The following BCL2L13 variants were observed in gnomAD, a reference collection of about 807,000 sequenced individuals.
BCL2L13 encodes the protein bcl-2-like protein 13.
A neutral mutation model predicts 25.8 loss-of-function variants in BCL2L13; 13 were observed. That is an observed-to-expected ratio of 0.50 (90% CI 0.33 to 0.80). BCL2L13 has a LOEUF of 0.80. Ranked by LOEUF, BCL2L13 falls within the 30% of genes least tolerant of loss-of-function variation. The pLI, the probability that BCL2L13 is intolerant of heterozygous loss-of-function variation, is 0.02. For missense variants in BCL2L13, 504 were observed against 574.9 expected, an observed-to-expected ratio of 0.88 and a Z score of 1.26; for synonymous variants, 244 against 230.3, an observed-to-expected ratio of 1.06 and a Z score of -0.54.
chr22:17,694,674 C>T (rs1317388269), intron 4 of BCL2L13, among the ~76,000 whole-genome samples: 3 of 152,018 alleles, frequency 2.0e-5, no homozygotes, highest in Non-Finnish European at 4.4e-5. Context: ...ACACTGGCTA[C>T]GTTTCTAATG....
intron 6 of BCL2L13, among the ~76,000 whole-genome samples, chr22:17,722,442 A>G (rs1473965701): frequency 6.7e-6 from 1 of 149,020 alleles, no homozygotes; most frequent in Non-Finnish European, 1.5e-5. Context: ...ATGTCTTACT[A>G]TGTTGCTCAA....
chr22:17,664,929 T>C (rs1466105240), intron 2 of BCL2L13, among the ~76,000 whole-genome samples: 1 of 152,226 alleles, frequency 6.6e-6, no homozygotes. Flanking sequence ...CTCCTAGGAC[T>C]GTGATGGGAG....
chr22:17,639,162 G>T (rs2058176528), intron 1 of BCL2L13, among the ~76,000 whole-genome samples: 1 of 152,204 alleles, frequency 6.6e-6, no homozygotes, highest in African/African-American at 2.4e-5. Flanking sequence ...CTCGGCCCTG[G>T]CTCCACGCCG....
At chr22:17,694,792 C>T (rs1352858735) in intron 4 of BCL2L13, among the ~76,000 whole-genome samples, 1 of 152,096 alleles carries the variant, frequency 6.6e-6, no homozygotes, top group African/African-American at 2.4e-5. Flanking sequence ...CAGATGAAAC[C>T]TGATTTCAAA....
At chr22:17,649,260 G>T (rs1273308284) in intron 1 of BCL2L13, among the ~76,000 whole-genome samples, 5 of 152,106 alleles carry the variant, frequency 3.3e-5, no homozygotes, top group Non-Finnish European at 7.4e-5. Context: ...ACCATGCCTG[G>T]CTAATTTTTG....
chr22:17,689,699 C>T (rs560666619), intron 4 of BCL2L13, among the ~76,000 whole-genome samples: 18 of 151,790 alleles, frequency 1.2e-4, no homozygotes, highest in African/African-American at 3.6e-4. Context: ...AAAACTTAGC[C>T]GGGCATGGTG....
intron 1 of BCL2L13, 144 bp downstream of exon 1, chr22:17,639,030 C>T (rs771340346): frequency 3.6e-5 from 24 of 672,796 alleles, no homozygotes; most frequent in Admixed American, 4.3e-5. Context: ...GTGTCTACAC[C>T]GGCGCTCCTT....
intron 2 of BCL2L13, among the ~76,000 whole-genome samples, chr22:17,662,070 T>G (rs2059085831): frequency 6.6e-6 from 1 of 152,166 alleles, no homozygotes; most frequent in Non-Finnish European, 1.5e-5. Flanking sequence ...TTCAGGGATA[T>G]TAGATTTACA....
At chr22:17,636,060 AC>A (rs555825172), upstream of BCL2L13, among the ~76,000 whole-genome samples, 985 of 148,398 alleles carry the variant, frequency 6.6e-3, 5 homozygotes, top group African/African-American at 0.024. Flanking sequence ...GCGGTGGCTC[AC>A]GCCTGTAATC....
intron 1 of BCL2L13, among the ~76,000 whole-genome samples, chr22:17,644,556 T>G (rs2058405769): frequency 6.6e-6 from 1 of 151,324 alleles, no homozygotes; most frequent in African/African-American, 2.5e-5. Context: ...GGTCTCAATC[T>G]CTTGACCTCG....
chr22:17,657,419 A>G (rs1427156556), intron 2 of BCL2L13, among the ~76,000 whole-genome samples: 1 of 152,180 alleles, frequency 6.6e-6, no homozygotes, highest in East Asian at 1.9e-4. Flanking sequence ...CTGTTTATAG[A>G]AGACGTACAT....
At chr22:17,706,269 C>CA (rs1426933962) in intron 6 of BCL2L13, among the ~76,000 whole-genome samples, 1 of 152,016 alleles carries the variant, frequency 6.6e-6, no homozygotes, top group African/African-American at 2.4e-5. Flanking sequence ...CTTGGCCTCC[C>CA]AAAGTGCTGG....
At chr22:17,673,424 G>C (rs560801316) in intron 2 of BCL2L13, among the ~76,000 whole-genome samples, 1 of 148,692 alleles carries the variant, frequency 6.7e-6, no homozygotes, top group Non-Finnish European at 1.5e-5. Context: ...CTGGAGTGCA[G>C]TGGTGCGATC....
At chr22:17,646,951 A>ATTTTTTTTTTT (rs1176648214) in intron 1 of BCL2L13, among the ~76,000 whole-genome samples, 2 of 21,892 alleles carry the variant, frequency 9.1e-5, no homozygotes, top group Non-Finnish European at 1.7e-4. Context: ...ATATATATAT[A>ATTTTTTTTTTT]TATATTTTTT....
At chr22:17,680,311 C>A (rs190987786) in intron 2 of BCL2L13, among the ~76,000 whole-genome samples, 1 of 150,010 alleles carries the variant, frequency 6.7e-6, no homozygotes, top group South Asian at 2.1e-4. Context: ...GAGATCAAGA[C>A]CATCCTGGCT....
chr22:17,676,331 C>T (rs2146662671), intron 2 of BCL2L13, among the ~76,000 whole-genome samples: 1 of 152,094 alleles, frequency 6.6e-6, no homozygotes, highest in East Asian at 1.9e-4. Context: ...GGTGTGGTGG[C>T]ACACGCCTGT....
At chr22:17,646,955 A>ATATTT (rs768488873) in intron 1 of BCL2L13, among the ~76,000 whole-genome samples, 41 of 22,190 alleles carry the variant, frequency 1.8e-3, no homozygotes, top group East Asian at 0.011. Flanking sequence ...ATATATATAT[A>ATATTT]TTTTTTTTTT....
chr22:17,718,976 T>C (rs1273386103), intron 6 of BCL2L13, among the ~76,000 whole-genome samples: 2 of 151,734 alleles, frequency 1.3e-5, no homozygotes, highest in African/African-American at 4.8e-5. Flanking sequence ...CTGGGCAACA[T>C]GGTGAAACCC....
intron 1 of BCL2L13, among the ~76,000 whole-genome samples, chr22:17,639,917 C>T (rs1218704569): frequency 6.6e-6 from 1 of 151,162 alleles, no homozygotes; most frequent in Admixed American, 6.6e-5. Flanking sequence ...TGCAATGGCG[C>T]GATCTCAGCT....
Sources: allele counts gnomAD v4.1 joint callset (sites outside exome capture counted in the v4.1 genomes callset), GRCh38; gene constraint gnomAD v4.1.1; transcripts MANE v1.5; gene names NCBI Gene and HGNC (gene_info 2026-07-23, HGNC 2026-07-21).